THRB: variants seen among roughly 807,000 people sequenced by gnomAD.
THRB encodes nuclear receptor subfamily 1 group A member 2.
THRB carries 12 observed loss-of-function variants against 47.8 expected under a neutral mutation model. That is an observed-to-expected ratio of 0.25 (90% CI 0.16 to 0.41). The LOEUF (loss-of-function observed/expected upper bound fraction) is 0.41, where lower values mean the gene tolerates loss of function less well. THRB is among the 10% of genes least tolerant of loss of function. THRB has a pLI of 1.00. For missense variants in THRB, 348 were observed against 589.2 expected (o/e 0.59, Z 4.24); for synonymous variants, 218 against 212.2 (o/e 1.03, Z -0.24).
intron 3 of THRB, among the ~76,000 whole-genome samples, chr3:24,261,227 G>T (rs2051946211): frequency 8.7e-6 from 1 of 114,362 alleles, no homozygotes; most frequent in Non-Finnish European, 1.8e-5. Flanking sequence ...TCTCGGCCAG[G>T]CGCAGTGGCT....
At chr3:24,270,502 G>A (rs1393447984) in intron 3 of THRB, among the ~76,000 whole-genome samples, 4 of 152,148 alleles carry the variant, frequency 2.6e-5, no homozygotes, top group African/African-American at 9.7e-5. Flanking sequence ...AACATTATGA[G>A]CACCTATCTA....
chr3:24,123,159 G>GAGAT, intron 10 of THRB, 34 bp from the exon 11 acceptor site: 1 of 1,613,348 alleles, frequency 6.2e-7, no homozygotes, highest in East Asian at 2.2e-5. Flanking sequence ...CATTGATTCA[G>GAGAT]AGATGGAAGG....
At chr3:24,303,309 C>T (rs963171189) in intron 2 of THRB, among the ~76,000 whole-genome samples, 1 of 152,146 alleles carries the variant, frequency 6.6e-6, no homozygotes, top group Non-Finnish European at 1.5e-5. Context: ...AGTGTTTGGG[C>T]CAAAGGGTGG....
At chr3:24,303,230 C>T (rs2057081642) in intron 2 of THRB, among the ~76,000 whole-genome samples, 2 of 152,184 alleles carry the variant, frequency 1.3e-5, no homozygotes, top group Non-Finnish European at 2.9e-5. Flanking sequence ...TGTCTAGGCC[C>T]TGTGCCATGA....
At chr3:24,336,607 T>C (rs527700531) in intron 2 of THRB, among the ~76,000 whole-genome samples, 8 of 152,228 alleles carry the variant, frequency 5.3e-5, no homozygotes, top group Non-Finnish European at 8.8e-5. Context: ...TATGACCACA[T>C]ACCTCAGGAC....
At chr3:24,187,582 C>T (rs1445894530) in intron 5 of THRB, among the ~76,000 whole-genome samples, 1 of 152,162 alleles carries the variant, frequency 6.6e-6, no homozygotes. Flanking sequence ...GGGCAATATC[C>T]TGTATACAGT....
At chr3:24,331,615 A>C (rs76391591) in intron 2 of THRB, among the ~76,000 whole-genome samples, 3,708 of 152,192 alleles carry the variant, frequency 0.024, 48 homozygotes, top group Middle Eastern at 0.041. Context: ...TTATGTATGC[A>C]TGTGTGTATG....
intron 7 of THRB, 80 bp from the exon 8 acceptor site, chr3:24,143,786 G>GA: frequency 4.8e-6 from 7 of 1,454,594 alleles, no homozygotes; most frequent in Non-Finnish European, 4.8e-6. Flanking sequence ...GGAGCCTCAG[G>GA]AGTGGGACCA....
At chr3:24,428,769 C>T (rs567303617) in intron 1 of THRB, among the ~76,000 whole-genome samples, 1 of 151,998 alleles carries the variant, frequency 6.6e-6, no homozygotes, top group South Asian at 2.1e-4. Flanking sequence ...GAAACAATGT[C>T]TCTCCTTGTT....
intron 5 of THRB, among the ~76,000 whole-genome samples, chr3:24,176,407 G>GATTA (rs997190326): frequency 6.6e-6 from 1 of 152,080 alleles, no homozygotes; most frequent in Non-Finnish European, 1.5e-5. Context: ...GCATGTCAGA[G>GATTA]ATTAATTTTA....
At chr3:24,259,271 G>A (rs930050911) in intron 3 of THRB, among the ~76,000 whole-genome samples, 4 of 152,104 alleles carry the variant, frequency 2.6e-5, no homozygotes, top group African/African-American at 9.7e-5. Flanking sequence ...GATACATGAA[G>A]CAAGTAGGTG....
chr3:24,374,951 C>A (rs964226519), intron 1 of THRB, among the ~76,000 whole-genome samples: 1 of 152,094 alleles, frequency 6.6e-6, no homozygotes, highest in East Asian at 1.9e-4. Flanking sequence ...AAAAGTTAAT[C>A]TTTAGCAAAG....
In THRB at chr3:24,198,465, CCT is replaced by C. The variant is rs1251828535; in HGVS notation, c.23-8133_23-8132del. Among the ~76,000 whole-genome samples the C allele has an allele frequency of 5.4e-3, 332 of 61,842 alleles. 2 individuals are homozygous for C. The highest frequency in any genetic ancestry group is 0.018 in the South Asian group (22 of 1,234). The allele number at this position is 61,842 out of a possible 152,430, so 40.6% of individuals were successfully genotyped here. On this transcript the variant is annotated intron_variant, in intron 4 of 10. Coordinates refer to ENST00000646209, the MANE Select transcript of THRB (RefSeq NM_001354712.2). ...GTGTCTCCCCCCGCCCCCCCCCCCC[CCT>C]TTTTTTTTTAACTACTAGTAATTAC...
chr3:24,314,921 T>C (rs906944349), intron 2 of THRB, among the ~76,000 whole-genome samples: 26 of 152,236 alleles, frequency 1.7e-4, no homozygotes, highest in Non-Finnish European at 2.9e-5. Flanking sequence ...CCTTTTACAA[T>C]TCTCCTTAAC....
At position 24,446,083 on chromosome 3, in the gene THRB, T is replaced by C. The variant is rs535323352; in HGVS notation, c.-261+48569A>G. ...TATCTCTGAATACTAAGGTAGGCAA[T>C]TTTTATTTTATACACTGAATATCAG... On this transcript the variant is annotated intron_variant, in intron 1 of 10. Transcript: ENST00000646209. Among the ~76,000 whole-genome samples the C allele has an allele frequency of 2.6e-5, 4 of 152,314 alleles. No homozygotes were observed. In the South Asian group the frequency reaches 8.3e-4, roughly 32 times the overall value.
chr3:24,382,609 G>T (rs1197127484), intron 1 of THRB, among the ~76,000 whole-genome samples: 1 of 151,828 alleles, frequency 6.6e-6, no homozygotes, highest in Non-Finnish European at 1.5e-5. Context: ...ACTATTAAGA[G>T]GAAAAATGTA....
rs61594117 is a variant in THRB at position 24,218,324 on chromosome 3, GTCTC to G, written c.22+10610_22+10613del. Reference sequence around the variant, plus strand: ...ATAAAGAATAACAAATAAATTTTTTGTCTCTCTCTCTCTCTCTCTTTTTTTTTTT... The same window carrying G: ...ATAAAGAATAACAAATAAATTTTTTGTCTCTCTCTCTCTCTTTTTTTTTTT... On this transcript the variant is annotated intron_variant, in intron 4 of 10. Transcript: ENST00000646209. 6.8e-3 allele frequency among the ~76,000 whole-genome samples: 910 copies of G among 133,886 alleles called. 6 individuals are homozygous for G. Among genetic ancestry groups the G allele is most frequent in the African/African-American group, 0.022 (749 of 34,296 alleles). The allele number at this position is 133,886 out of a possible 152,430, so 87.8% of individuals were successfully genotyped here. A position where few individuals can be genotyped will look rare whatever the true frequency, so the allele number is the denominator to read the frequency against.
chr3:24,358,568 A>T (rs1183782416), intron 1 of THRB, among the ~76,000 whole-genome samples: 1 of 152,142 alleles, frequency 6.6e-6, no homozygotes, highest in Non-Finnish European at 1.5e-5. Context: ...TTTATCATAT[A>T]CCAAATTCTC....
chr3:24,169,995 C>T (rs1213577119), intron 5 of THRB, among the ~76,000 whole-genome samples: 1 of 152,154 alleles, frequency 6.6e-6, no homozygotes, highest in Non-Finnish European at 1.5e-5. Context: ...TCCTGTCTCA[C>T]AGCTTTAAAT....
Sources: gnomAD v4.1 joint callset for allele counts (sites outside exome capture counted in the v4.1 genomes callset) on GRCh38, gnomAD v4.1.1 for gene constraint, MANE v1.5 for transcripts, NCBI Gene and HGNC (gene_info 2026-07-23, HGNC 2026-07-21) for gene names.